The following MKI67 variants were observed in gnomAD, a reference collection of about 807,000 sequenced individuals.
MKI67 encodes the protein marker of proliferation Ki-67, also known as proliferation marker protein Ki-67.
MKI67 carries 152 observed loss-of-function variants against 233.5 expected under a neutral mutation model. The observed-to-expected ratio is 0.65, with a 90% CI of 0.57 to 0.74. MKI67 has a LOEUF of 0.74. MKI67 is among the 30% of genes least tolerant of loss of function. The pLI is 0.00. For synonymous variants in MKI67, 1,465 were observed against 1,418.5 expected (o/e 1.03, Z -0.74); for missense variants, 3,940 against 3,885.2 (o/e 1.01, Z -0.37).
Position 128,125,493 on chromosome 10 carries a change from A to C in MKI67, c.92+83T>G, listed in dbSNP as rs1218723361. 2.8e-6 allele frequency: 3 copies of C among 1,062,174 alleles called. No homozygotes were observed. Among genetic ancestry groups the C allele is most frequent in the Non-Finnish European group, 4.4e-6 (3 of 686,830 alleles). The allele number at this position is 1,062,174 out of a possible 1,614,324, so 65.8% of individuals were successfully genotyped here. On this transcript the variant is annotated intron_variant, in intron 2 of 14. Transcript: ENST00000368654. The surrounding 1 kb of genome is among the most constrained non-coding windows in gnomAD (Gnocchi z 5.3). ...AAGTGACGGCAGGACCCAATCCTAG[A>C]GCGCGTTTCTGGACTTTATTCTGTG...
At chr10:128,121,461 G>A (rs1273001306) in intron 4 of MKI67, among the ~76,000 whole-genome samples, 7 of 127,064 alleles carry the variant, frequency 5.5e-5, no homozygotes, top group Admixed American at 1.7e-4. Flanking sequence ...TATACTATAT[G>A]GTATATATAA....
In MKI67 at chr10:128,115,773, A is replaced by C. The variant is rs1449161596; in HGVS notation, c.635T>G (p.Val212Gly). The C allele has an allele frequency of 6.2e-7, 1 of 1,613,006 alleles. No individual in the cohort carries two copies. The highest frequency in any genetic ancestry group is 8.5e-7 in the Non-Finnish European group (1 of 1,180,040). ...AGACTTCAATTCTCCATAACGGCTC[A>C]CTAATTTAACGCTGGAAATTTCTTT... ...DFKEISSVKL[V>G]SRYGELKSVP... The change falls in exon 7 of 15, where the codon GTG becomes GGG. Residue 212 changes from valine (V) to glycine (G), a missense_variant. Coordinates refer to ENST00000368654, the MANE Select transcript of MKI67 (RefSeq NM_002417.5).
Position 128,111,710 on chromosome 10 carries a change from C to T in MKI67, c.2195G>A (p.Arg732Gln), listed in dbSNP as rs370287157. ...AHTEKVHVPA[R>Q]PYRVLNNFIS... Reference sequence around the variant, plus strand: ...GAAGTTGTTGAGCACTCTGTAGGGTCGAGCAGGCACATGTACTTTTTCAGT... The same window carrying T: ...GAAGTTGTTGAGCACTCTGTAGGGTTGAGCAGGCACATGTACTTTTTCAGT... Residue 732 changes from arginine (R) to glutamine (Q), a missense_variant, in exon 11 of 15, where the codon CGA (arginine) becomes CAA (glutamine). Arg to Gln is a conservative substitution (Grantham distance 43). Transcript: ENST00000368654. The T allele has an allele frequency of 6.6e-5, 107 of 1,614,006 alleles. No individual in the cohort carries two copies. The highest frequency in any genetic ancestry group is 8.8e-5 in the Non-Finnish European group (104 of 1,180,046).
In MKI67 at chr10:128,107,368, T is replaced by C. The variant is rs200160195; in HGVS notation, c.4472A>G (p.Lys1491Arg). The change falls in exon 13 of 15, where the codon AAA becomes AGA. Residue 1491 changes from lysine (K) to arginine (R), a missense_variant. Transcript: ENST00000368654. ...DKPTTHEKTT[K>R]IACRSQPDPV... is the part of the protein sequence containing the mutation. ...GTCTGGTTGTGATCTGCAGGCTATT[T>C]TGGTAGTTTTCTCGTGAGTCGTGGG... The C allele has an allele frequency of 6.2e-7, 1 of 1,613,624 alleles. No individual in the cohort carries two copies. The highest frequency in any genetic ancestry group is 8.5e-7 in the Non-Finnish European group (1 of 1,179,894).
In MKI67 at chr10:128,106,675, T is replaced by C; in HGVS notation, c.5165A>G (p.His1722Arg). The C allele has an allele frequency of 1.2e-6, 2 of 1,614,222 alleles. No individual in the cohort carries two copies. The highest frequency in any genetic ancestry group is 1.7e-6 in the Non-Finnish European group (2 of 1,180,036). Residue 1722 changes from histidine to arginine, a missense_variant, in exon 13 of 15, where the codon CAC (histidine) becomes CGC (arginine). Transcript: ENST00000368654. Reference sequence around the variant, plus strand: ...TTCGTTAGTCATTGATTCCTTAGTGTGACTTGGTGTCTGGAAGAGCTCGAT... The same window carrying C: ...TTCGTTAGTCATTGATTCCTTAGTGCGACTTGGTGTCTGGAAGAGCTCGAT... ...GFIELFQTPSHTKESMTNEKT... is the reference protein window; with the variant it reads ...GFIELFQTPSRTKESMTNEKT...
Position 128,101,278 on chromosome 10 carries a change from A to G in MKI67, c.9685T>C (p.Cys3229Arg). The G allele has an allele frequency of 6.2e-7, 1 of 1,609,026 alleles. No homozygotes were observed. Among genetic ancestry groups the G allele is most frequent in the Non-Finnish European group, 8.5e-7 (1 of 1,176,226 alleles). The change falls in exon 14 of 15, where the codon TGT becomes CGT. Residue 3229 changes from cysteine to arginine, a missense_variant. Physicochemically the swap from Cys to Arg is radical, Grantham distance 180. Coordinates refer to ENST00000368654, the MANE Select transcript of MKI67 (RefSeq NM_002417.5). ...CTTACCTTCTTTGGATTTTCTGCAC[A>G]CCTCTTGACACTCCGCGTTACTCTC... The part of the protein sequence containing the change: ...VQRVTRSVKR[C>R]AENPKKAEDN...
chr10:128,104,315 T>C lies in MKI67; in HGVS notation c.7525A>G (p.Thr2509Ala). The change falls in exon 13 of 15, where the codon ACG becomes GCG. Residue 2509 changes from threonine (T) to alanine (A), a missense_variant. Thr to Ala is a moderately conservative substitution (Grantham distance 58). Coordinates refer to ENST00000368654, the MANE Select transcript of MKI67 (RefSeq NM_002417.5). Reference sequence around the variant, plus strand: ...CCTGTTGGCTCTGTGTGTGTTTGCGTAGTCTCCCCTGATGTCCGTGTGAGC... The same window carrying C: ...CCTGTTGGCTCTGTGTGTGTTTGCGCAGTCTCCCCTGATGTCCGTGTGAGC... Reference protein sequence around the residue: ...SKLTRTSGETTQTHTEPTGDS... With the variant: ...SKLTRTSGETAQTHTEPTGDS... 6.2e-7 allele frequency: 1 copy of C among 1,614,210 alleles called. No individual in the cohort carries two copies. The highest frequency in any genetic ancestry group is 1.1e-5 in the South Asian group (1 of 91,088).
At position 128,099,036 on chromosome 10, in the gene MKI67, G is replaced by T; in HGVS notation, c.*154C>A. ...CAGCAGTGCTCCCAGTGGAGTTTAT[G>T]AAGCCGATTCAGACCCAGCAAATCC... On this transcript the variant is annotated 3_prime_UTR_variant, in exon 15 of 15. Coordinates refer to ENST00000368654, the MANE Select transcript of MKI67 (RefSeq NM_002417.5). 1.8e-6 allele frequency: 1 copy of T among 563,356 alleles called. No individual in the cohort carries two copies. The highest frequency in any genetic ancestry group is 3.1e-6 in the Non-Finnish European group (1 of 325,128). 34.9% of individuals were successfully genotyped at this position (563,356 alleles called of 1,614,324 possible). A position where few individuals can be genotyped will look rare whatever the true frequency, so the allele number is the denominator to read the frequency against.
chr10:128,124,716 A>G (rs1853019061), intron 2 of MKI67, among the ~76,000 whole-genome samples: 1 of 152,184 alleles, frequency 6.6e-6, no homozygotes, highest in South Asian at 2.1e-4. Context: ...TGGGGTTGGA[A>G]ATACAAGTTT....
At chr10:128,113,403 T>A in intron 8 of MKI67, 24 bp downstream of exon 8, 1 of 1,612,742 alleles carries the variant, frequency 6.2e-7, no homozygotes, top group Non-Finnish European at 8.5e-7. Flanking sequence ...TGGGCGTGAA[T>A]GGGATGCTGC....
In MKI67 at chr10:128,109,023, T is replaced by C. The variant is rs1397392862; in HGVS notation, c.2817A>G (p.Lys939=). The change falls in exon 13 of 15, where the codon AAA becomes AAG. Residue 939 remains lysine, a synonymous_variant. Coordinates refer to ENST00000368654, the MANE Select transcript of MKI67 (RefSeq NM_002417.5). The part of the protein sequence containing the change: ...FETYKENIEL[K]ENDEKMKAMK... ...TTGCTTTCATCTTTTCATCGTTTTC[T>C]TTTAATTCAATATTTTCCTTATATG... The C allele has an allele frequency of 6.2e-7, 1 of 1,614,224 alleles. No homozygotes were observed. Among genetic ancestry groups the C allele is most frequent in the South Asian group, 1.1e-5 (1 of 91,082 alleles).
At chr10:128,116,626 G>T (rs1482277280) in intron 5 of MKI67, 90 bp from the exon 6 acceptor site, 8 of 1,324,344 alleles carry the variant, frequency 6.0e-6, no homozygotes, top group East Asian at 2.4e-5. Context: ...TTGTTTTCTG[G>T]CTGGGCATGA....
rs566349949 is a variant in MKI67 at position 128,112,921 on chromosome 10, G to A, written c.1657-476C>T. ...TATAGGGCCATGACTTCCCAGAGGT[G>A]TGAAACCCAGGAAGGACAACACAGC... is the stretch of plus-strand genomic sequence containing the variant. On this transcript the variant is annotated intron_variant, in intron 8 of 14. Transcript: ENST00000368654. Among the ~76,000 whole-genome samples, 5 of 152,318 alleles carry A rather than the reference G, an allele frequency of 3.3e-5. No individual in the cohort carries two copies. In the South Asian group the frequency reaches 8.3e-4, roughly 25 times the overall value.
At chr10:128,121,531 AT>A (rs1288287371) in intron 4 of MKI67, among the ~76,000 whole-genome samples, 2 of 44,282 alleles carry the variant, frequency 4.5e-5, no homozygotes, top group Non-Finnish European at 8.2e-5. Flanking sequence ...ATAATATTAT[AT>A]ATTATATTAT....
At position 128,116,492 on chromosome 10, in the gene MKI67, AG is replaced by A. The variant is rs1852812322; in HGVS notation, c.398del (p.Pro133LeufsTer79). 6.2e-7 allele frequency: 1 copy of A among 1,613,904 alleles called. No individual in the cohort carries two copies. The highest frequency in any genetic ancestry group is 8.5e-7 in the Non-Finnish European group (1 of 1,179,770). Reference protein sequence around the residue: ...RVSRSSFSSDPDEKAQDSKAY... With the variant: ...RVSRSSFSSDXDEKAQDSKAY... ...GAACAAAACCCAACCACTACTCACC[AG>A]GGTCAGAAGAGAAGCTAGATCTTGA... is the stretch of plus-strand genomic sequence containing the variant. On this transcript the variant is annotated frameshift_variant and splice_region_variant, in exon 6 of 15. Coordinates refer to ENST00000368654, the MANE Select transcript of MKI67 (RefSeq NM_002417.5). LOFTEE classifies it high-confidence loss of function.
In MKI67 at chr10:128,099,211, A is replaced by T. The variant is rs771171033; in HGVS notation, c.9750T>A (p.His3250Gln). Residue 3250 changes from histidine (H) to glutamine (Q), a missense_variant, in exon 15 of 15, where the codon CAT becomes CAA. Coordinates refer to ENST00000368654, the MANE Select transcript of MKI67 (RefSeq NM_002417.5). The part of the protein sequence containing the change: ...VCVKKIRTRS[H>Q]RDSEDI ...TCTGTCAAATATCTTCACTGTCCCT[A>T]TGACTTCTGGTTCTTATTTTCTTGA... 1.2e-6 allele frequency: 2 copies of T among 1,613,290 alleles called. No homozygotes were observed. Among genetic ancestry groups the T allele is most frequent in the Non-Finnish European group, 1.7e-6 (2 of 1,179,656 alleles).
Position 128,111,990 on chromosome 10 carries a change from T to G in MKI67, c.2025A>C (p.Lys675Asn), listed in dbSNP as rs1371213133. ...ACCTTTGAGGACCATGTTTTATGAC[T>G]TTAGTTTGTGTTTGTTTTGCACCAA... The part of the protein sequence containing the change: ...VKLGAKQTQT[K>N]VIKHGPQRSM... Residue 675 changes from lysine to asparagine, a missense_variant, in exon 10 of 15, where the codon AAA becomes AAC. Lys to Asn is a moderately conservative substitution (Grantham distance 94). Coordinates refer to ENST00000368654, the MANE Select transcript of MKI67 (RefSeq NM_002417.5). 1 of 1,613,762 alleles carries G rather than the reference T, an allele frequency of 6.2e-7. No individual in the cohort carries two copies. Among genetic ancestry groups the G allele is most frequent in the Admixed American group, 1.7e-5 (1 of 59,940 alleles).
chr10:128,123,015 G>C lies in MKI67; in HGVS notation c.172-19C>G. On this transcript the variant is annotated intron_variant, in intron 3 of 14. Transcript: ENST00000368654. ...ATATTGCCTGCAAGTGAAAAGAAGGGGAAATATGTAACTAATGAACAGATT... is the reference window on the plus strand; with the variant it reads ...ATATTGCCTGCAAGTGAAAAGAAGGCGAAATATGTAACTAATGAACAGATT... The C allele has an allele frequency of 2.5e-6, 4 of 1,573,252 alleles. No individual in the cohort carries two copies. The highest frequency in any genetic ancestry group is 2.6e-6 in the Non-Finnish European group (3 of 1,144,522).
In MKI67 at chr10:128,103,007, C is replaced by T. The variant is rs181523641; in HGVS notation, c.8833G>A (p.Ala2945Thr). ...ANGAADSFTSAPKQTPDSGKP... is the reference protein window; with the variant it reads ...ANGAADSFTSTPKQTPDSGKP... ...CCACTGTCAGGTGTTTGCTTTGGAG[C>T]GCTTGTAAAGCTATCAGCAGCACCA... is the stretch of plus-strand genomic sequence containing the variant. Residue 2945 changes from alanine (A) to threonine (T), a missense_variant, in exon 13 of 15, where the codon GCT becomes ACT. Coordinates refer to ENST00000368654, the MANE Select transcript of MKI67 (RefSeq NM_002417.5). The T allele has an allele frequency of 6.8e-6, 11 of 1,614,214 alleles. No individual in the cohort carries two copies. The highest frequency in any genetic ancestry group is 1.6e-4 in the Middle Eastern group (1 of 6,062).
Sources: gnomAD v4.1 joint callset for allele counts (sites outside exome capture counted in the v4.1 genomes callset) on GRCh38, gnomAD v4.1.1 for gene constraint, Gnocchi (gnomAD v3.1) non-coding constraint, MANE v1.5 for transcripts, NCBI Gene and HGNC (gene_info 2026-07-23, HGNC 2026-07-21) for gene names.